The following PCDHGB2 variants were observed in gnomAD, a reference collection of about 807,000 sequenced individuals.
PCDHGB2 encodes the protein protocadherin gamma subfamily B, 2.
PCDHGB2 carries 55 observed loss-of-function variants against 59.3 expected under a neutral mutation model. That is an observed-to-expected ratio of 0.93 (90% CI 0.75 to 1.16). The LOEUF (loss-of-function observed/expected upper bound fraction) is 1.16, where lower values mean the gene tolerates loss of function less well. Ranked by LOEUF, PCDHGB2 falls within the 50% of genes most tolerant of loss-of-function variation. PCDHGB2 has a pLI of 0.00. For synonymous variants in PCDHGB2, 516 were observed against 512.0 expected, an observed-to-expected ratio of 1.01 and a Z score of -0.11; for missense variants, 1,228 against 1,198.5, an observed-to-expected ratio of 1.02 and a Z score of -0.36.
chr5:141,458,888 T>C (rs756640295), intron 1 of PCDHGB2, among the ~76,000 whole-genome samples: 3 of 152,118 alleles, frequency 2.0e-5, no homozygotes, highest in Non-Finnish European at 2.9e-5. Flanking sequence ...ATGCACACCA[T>C]GCGCAGCTAA....
chr5:141,501,439 C>G (rs1245306644), intron 2 of PCDHGB2, among the ~76,000 whole-genome samples: 1 of 151,978 alleles, frequency 6.6e-6, no homozygotes, highest in Non-Finnish European at 1.5e-5. Context: ...TCCATTTCTT[C>G]CATTTTTACT....
At chr5:141,428,102 G>T (rs774075619) in intron 1 of PCDHGB2, 38 of 1,608,516 alleles carry the variant, frequency 2.4e-5, no homozygotes, top group Non-Finnish European at 3.2e-5. Flanking sequence ...CCTACCACGT[G>T]CTGCAGGCCA....
intron 1 of PCDHGB2, chr5:141,371,990 G>A (rs1768271150): frequency 6.2e-7 from 1 of 1,613,140 alleles, no homozygotes; most frequent in Admixed American, 1.7e-5. Flanking sequence ...AGCTCACTCT[G>A]CAGGCCCGCG....
intron 1 of PCDHGB2, chr5:141,412,735 T>A (rs2095573578): frequency 6.5e-6 from 1 of 153,492 alleles, no homozygotes; most frequent in African/African-American, 2.4e-5. Context: ...GTGTTGCAAA[T>A]ATATATTTAA....
chr5:141,500,461 G>A (rs1343646600), intron 2 of PCDHGB2, among the ~76,000 whole-genome samples: 1 of 151,910 alleles, frequency 6.6e-6, no homozygotes, highest in Non-Finnish European at 1.5e-5. Flanking sequence ...CGCCCGCCTC[G>A]GCCTCCCAAA....
chr5:141,384,717 C>T (rs575459465), intron 1 of PCDHGB2: 3 of 1,614,166 alleles, frequency 1.9e-6, no homozygotes, highest in African/African-American at 2.7e-5. Flanking sequence ...GGCTGTCATA[C>T]CTCCTGCTTA....
chr5:141,419,853 C>A lies in PCDHGB2; in HGVS notation c.2421+57297C>A, dbSNP rs1327953878. The A allele has an allele frequency of 1.9e-6, 3 of 1,614,072 alleles. No homozygotes were observed. In the Admixed American group the frequency reaches 5.0e-5, roughly 27 times the overall value. The stretch of plus-strand genomic sequence containing the variant: ...ACTGCCACGCTGCACCTGGTGTTCG[C>A]AGATAGCTTGCAAGAGGTACTGCCG... On this transcript the variant is annotated intron_variant, in intron 1 of 3. Transcript: ENST00000522605.
intron 1 of PCDHGB2, chr5:141,440,160 G>A (rs568136682): frequency 6.6e-6 from 1 of 152,324 alleles, no homozygotes; most frequent in East Asian, 1.9e-4. Flanking sequence ...ATTATAGCTT[G>A]GGCCATAACG....
intron 1 of PCDHGB2, chr5:141,408,648 G>A: frequency 2.5e-6 from 4 of 1,613,922 alleles, no homozygotes; most frequent in South Asian, 2.2e-5. Flanking sequence ...GCATCCGCTG[G>A]TACACGACTA....
chr5:141,432,117 C>T lies in PCDHGB2; in HGVS notation c.2422-62690C>T, dbSNP rs761106133. The T allele has an allele frequency of 3.9e-5, 63 of 1,614,062 alleles. No individual in the cohort carries two copies. Among genetic ancestry groups the T allele is most frequent in the Non-Finnish European group, 4.2e-5 (50 of 1,180,048 alleles). On this transcript the variant is annotated intron_variant, in intron 1 of 3. Transcript: ENST00000522605. The surrounding 1 kb of genome is among the most constrained non-coding windows in gnomAD (Gnocchi z 6.0). ...ACCAACGACAACCCGCCGGTCTTCC[C>T]TCAGGCCTCCTATTCCGCTTATATC...
chr5:141,381,889 G>A (rs1385598954), intron 1 of PCDHGB2, among the ~76,000 whole-genome samples: 2 of 132,634 alleles, frequency 1.5e-5, no homozygotes, highest in Non-Finnish European at 3.1e-5. Context: ...GAGTGCAATG[G>A]TGTGATCTCG....
chr5:141,364,154 G>T (rs1052849617), intron 1 of PCDHGB2: 10 of 590,840 alleles, frequency 1.7e-5, no homozygotes, highest in Admixed American at 3.8e-5. Flanking sequence ...AGAAGCTGCC[G>T]CAGAGGCGAC....
At chr5:141,366,178 C>G (rs778986920) in intron 1 of PCDHGB2, 1 of 1,614,044 alleles carries the variant, frequency 6.2e-7, no homozygotes, top group Non-Finnish European at 8.5e-7. Context: ...AGCCAGGACT[C>G]TTTGCGGTTG....
intron 1 of PCDHGB2, chr5:141,371,082 G>A (rs1767471058): frequency 1.9e-6 from 3 of 1,613,856 alleles, no homozygotes; most frequent in Non-Finnish European, 1.7e-6. Flanking sequence ...CCAGATCAGG[G>A]TAATTGTCGC....
chr5:141,372,657 T>C, intron 1 of PCDHGB2: 3 of 1,614,048 alleles, frequency 1.9e-6, no homozygotes, highest in Non-Finnish European at 2.5e-6. Context: ...CTACAATCCG[T>C]GTGCTGCCTC....
intron 1 of PCDHGB2, among the ~76,000 whole-genome samples, chr5:141,447,233 G>A (rs565398752): frequency 2.6e-5 from 4 of 152,028 alleles, no homozygotes; most frequent in Non-Finnish European, 4.4e-5. Flanking sequence ...TCCGCCTCCC[G>A]GGTTCAAGTG....
At chr5:141,449,273 C>T (rs1168190907) in intron 1 of PCDHGB2, among the ~76,000 whole-genome samples, 1 of 151,982 alleles carries the variant, frequency 6.6e-6, no homozygotes, top group Non-Finnish European at 1.5e-5. Flanking sequence ...ACTGTATCTC[C>T]TTCACCCGGA....
At position 141,374,676 on chromosome 5, in the gene PCDHGB2, G is replaced by T. The variant is rs372705367; in HGVS notation, c.2421+12120G>T. ...AAGTACCCGGAGCTGGTGCTGGAGG[G>T]CACACTGGACCGGGAAGGAGAAGCC... On this transcript the variant is annotated intron_variant, in intron 1 of 3. Coordinates refer to ENST00000522605, the MANE Select transcript of PCDHGB2 (RefSeq NM_018923.3). 8 of 1,610,386 alleles carry T rather than the reference G, an allele frequency of 5.0e-6. No individual in the cohort carries two copies. The African/African-American group carries it at 1.1e-4, about 22-fold the overall frequency.
chr5:141,388,626 A>C, intron 1 of PCDHGB2: 1 of 1,613,974 alleles, frequency 6.2e-7, no homozygotes, highest in Non-Finnish European at 8.5e-7. Flanking sequence ...AGACGTATAC[A>C]GGGTGAGCCT....
Sources: gnomAD v4.1 joint callset for allele counts (sites outside exome capture counted in the v4.1 genomes callset) on GRCh38, gnomAD v4.1.1 for gene constraint, Gnocchi (gnomAD v3.1) non-coding constraint, MANE v1.5 for transcripts, NCBI Gene and HGNC (gene_info 2026-07-23, HGNC 2026-07-21) for gene names.